Variants in DNAH3 observed in about 807,000 individuals in gnomAD.
DNAH3 encodes axonemal beta dynein heavy chain 3.
DNAH3 carries 332 observed loss-of-function variants against 432.5 expected under a neutral mutation model. The ratio of observed to expected loss-of-function variants is 0.77; its 90% CI spans 0.70 to 0.84. The LOEUF is 0.84. Ranked by LOEUF, DNAH3 falls within the 40% of genes least tolerant of loss-of-function variation. The pLI is 0.00. For missense variants in DNAH3, 4,861 were observed against 5,114.0 expected (o/e 0.95, Z 1.51); for synonymous variants, 1,956 against 1,900.2 (o/e 1.03, Z -0.76).
At position 21,072,229 on chromosome 16, in the gene DNAH3, A is replaced by AT. The variant is rs1330245002; in HGVS notation, c.3085-1404dup. On this transcript the variant is annotated intron_variant, in intron 21 of 61. Coordinates refer to ENST00000261383, the Ensembl canonical transcript of DNAH3. Reference sequence around the variant, plus strand: ...TTGGGGACCTTTGTTTAATTAATTAATTAATTAATTAATTTTAATTTTATT... The same window carrying AT: ...TTGGGGACCTTTGTTTAATTAATTAATTTAATTAATTAATTTTAATTTTATT... Among the ~76,000 whole-genome samples, 711 of 144,774 alleles carry AT rather than the reference A, an allele frequency of 4.9e-3. 3 individuals carry two copies. Among genetic ancestry groups the AT allele is most frequent in the Non-Finnish European group, 6.0e-3 (397 of 66,376 alleles). 95.0% of individuals were successfully genotyped at this position (144,774 alleles called of 152,430 possible). A position where few individuals can be genotyped will look rare whatever the true frequency, so the allele number is the denominator to read the frequency against.
chr16:21,098,059 A>G (rs1166903508), intron 17 of DNAH3, among the ~76,000 whole-genome samples: 1 of 152,232 alleles, frequency 6.6e-6, no homozygotes, highest in East Asian at 1.9e-4. Context: ...AATGTGAACA[A>G]TTACCTTACT....
chr16:21,156,884 G>C (rs1048651196), intron 1 of DNAH3, among the ~76,000 whole-genome samples: 1 of 151,600 alleles, frequency 6.6e-6, no homozygotes, highest in Non-Finnish European at 1.5e-5. Context: ...AAGATTCACA[G>C]AGACGCCCCT....
At chr16:21,125,129 C>T in intron 9 of DNAH3, 46 bp downstream of exon 10, 2 of 1,487,356 alleles carry the variant, frequency 1.3e-6, no homozygotes, top group Non-Finnish European at 1.8e-6. Flanking sequence ...AACCAAGTAA[C>T]CAGGTTATTC....
exon 6 of DNAH3, chr16:21,136,496 C>G: frequency 1.2e-6 from 2 of 1,614,106 alleles, no homozygotes; most frequent in Non-Finnish European, 1.7e-6. Context: ...TTCCATTGGT[C>G]AGATAGTAAT....
At chr16:21,070,107 C>G (rs945101455) in intron 22 of DNAH3, among the ~76,000 whole-genome samples, 1 of 152,220 alleles carries the variant, frequency 6.6e-6, no homozygotes, top group Non-Finnish European at 1.5e-5. Flanking sequence ...AGGCCAAACC[C>G]CTATCTTCGG....
At chr16:21,150,261 A>G in intron 1 of DNAH3, 29 bp downstream of exon 2, 1 of 441,676 alleles carries the variant, frequency 2.3e-6, no homozygotes. Flanking sequence ...TACAGGTAAA[A>G]CAAGAAACGT....
At chr16:20,960,193 A>T (rs1596959911) in intron 53 of DNAH3, among the ~76,000 whole-genome samples, 1 of 152,162 alleles carries the variant, frequency 6.6e-6, no homozygotes, top group East Asian at 1.9e-4. Context: ...ACACTAGTAC[A>T]TGTATAAAGG....
At chr16:21,027,156 C>T in intron 37 of DNAH3, 29 bp from the exon 38 acceptor site, 1 of 1,538,334 alleles carries the variant, frequency 6.5e-7, no homozygotes. Context: ...GGGTAGCAGA[C>T]AGGGGAAAGG....
chr16:21,139,320 C>CTTTTATTTTT (rs2092687340), intron 5 of DNAH3, among the ~76,000 whole-genome samples: 1 of 29,614 alleles, frequency 3.4e-5, no homozygotes, highest in Non-Finnish European at 5.3e-5. Context: ...TTTCCTCATG[C>CTTTTATTTTT]TTTTTTTTTT....
chr16:20,965,398 AC>A lies in DNAH3; in HGVS notation c.8485del (p.Val2829TyrfsTer9). ...CAGATCCCCAAGAATCTTTTTGGAT[AC>A]CCCCCAGTAATCTTCTATCATCTTA... On this transcript the variant is annotated frameshift_variant, in exon 53 of 62. Coordinates refer to ENST00000261383, the Ensembl canonical transcript of DNAH3. LOFTEE classifies it high-confidence loss of function. 1 of 1,528,354 alleles carries A rather than the reference AC, an allele frequency of 6.5e-7. No homozygotes were observed. The highest frequency in any genetic ancestry group is 8.8e-7 in the Non-Finnish European group (1 of 1,137,706). 94.7% of individuals were successfully genotyped at this position (1,528,354 alleles called of 1,614,324 possible).
At chr16:21,071,727 A>T (rs760645729) in intron 21 of DNAH3, among the ~76,000 whole-genome samples, 99 of 151,576 alleles carry the variant, frequency 6.5e-4, no homozygotes, top group Non-Finnish European at 8.8e-4. Context: ...ATCTCTAAAA[A>T]TTTTTTTTTT....
At chr16:21,104,135 G>A (rs1198299700) in intron 16 of DNAH3, 1 of 223,076 alleles carries the variant, frequency 4.5e-6, no homozygotes, top group Non-Finnish European at 9.0e-6. Flanking sequence ...CAGATCTGTG[G>A]TCTCCAATGT....
intron 51 of DNAH3, among the ~76,000 whole-genome samples, chr16:20,970,278 A>G (rs2085278844): frequency 1.3e-5 from 2 of 152,308 alleles, no homozygotes; most frequent in South Asian, 4.1e-4. Context: ...TAATCCCAGC[A>G]CTTTGGGAGG....
intron 56 of DNAH3, 27 bp from the exon 57 acceptor site, chr16:20,948,664 T>C: frequency 2.5e-6 from 4 of 1,613,266 alleles, no homozygotes; most frequent in Middle Eastern, 1.7e-4. Flanking sequence ...GAAGGAGAGG[T>C]TGAGCCCAGG....
At chr16:21,131,428 AAAG>A (rs1409822680) in intron 7 of DNAH3, among the ~76,000 whole-genome samples, 1 of 144,452 alleles carries the variant, frequency 6.9e-6, no homozygotes, top group African/African-American at 2.6e-5. Context: ...AGAAAGAAGA[AAAG>A]AAAGGAAGAA....
chr16:21,144,028 G>C (rs1026868024), intron 3 of DNAH3, among the ~76,000 whole-genome samples: 1 of 152,140 alleles, frequency 6.6e-6, no homozygotes, highest in African/African-American at 2.4e-5. Context: ...TTGAGACAGA[G>C]AGCAGATCAA....
chr16:21,020,398 T>TATATATATATATATA (rs59031070), intron 40 of DNAH3, among the ~76,000 whole-genome samples: 3 of 21,864 alleles, frequency 1.4e-4, no homozygotes, highest in Non-Finnish European at 1.4e-4. Context: ...TATATATATA[T>TATATATATATATATA]TTTTTTTTTT....
At chr16:21,090,370 T>C (rs1352729823) in intron 18 of DNAH3, among the ~76,000 whole-genome samples, 1 of 132,194 alleles carries the variant, frequency 7.6e-6, no homozygotes, top group Non-Finnish European at 1.6e-5. Flanking sequence ...ACAGATACAT[T>C]ACAAAAAAAA....
At chr16:21,067,768 G>T (rs1295405907) in intron 23 of DNAH3, among the ~76,000 whole-genome samples, 142 of 26,164 alleles carry the variant, frequency 5.4e-3, no homozygotes, top group African/African-American at 0.01. Context: ...GGGGGGGGGG[G>T]TGGGGAGGGA....
Sources: allele counts gnomAD v4.1 joint callset (sites outside exome capture counted in the v4.1 genomes callset), GRCh38; gene constraint gnomAD v4.1.1; transcripts MANE v1.5; gene names NCBI Gene and HGNC (gene_info 2026-07-23, HGNC 2026-07-21).